FAM81A: variants seen among roughly 807,000 people sequenced by gnomAD.
FAM81A encodes the protein family with sequence similarity 81 member A.
In FAM81A, 19 loss-of-function variants were observed where a neutral mutation model predicts 46.7. That is an observed-to-expected ratio of 0.41 (90% CI 0.28 to 0.60). The LOEUF is 0.60. FAM81A is among the 20% of genes least tolerant of loss of function. FAM81A has a pLI of 0.34. For synonymous variants in FAM81A, 183 were observed against 152.9 expected, an observed-to-expected ratio of 1.20 and a Z score of -1.45; for missense variants, 377 against 453.5, an observed-to-expected ratio of 0.83 and a Z score of 1.53.
At chr15:59,521,090 G>C (rs1223017234) in intron 8 of FAM81A, among the ~76,000 whole-genome samples, 164 bp from the exon 9 acceptor site, 1 of 152,054 alleles carries the variant, frequency 6.6e-6, no homozygotes, top group African/African-American at 2.4e-5. Context: ...GTAATCTCTA[G>C]GGAGAAACTA....
At chr15:59,452,634 G>A (rs1264113296) in intron 1 of FAM81A, among the ~76,000 whole-genome samples, 1 of 152,176 alleles carries the variant, frequency 6.6e-6, no homozygotes, top group Admixed American at 6.5e-5. Flanking sequence ...GTGACAGAAT[G>A]AGACAGTGTC....
chr15:59,465,006 G>A lies in FAM81A; in HGVS notation c.294+4800G>A, dbSNP rs539583408. 5.3e-4 allele frequency among the ~76,000 whole-genome samples: 80 copies of A among 152,192 alleles called. 2 individuals carry two copies. The South Asian group carries it at 0.016, about 31-fold the overall frequency. ...TATTTTTGTATTGGGTGAGAGGTGGGGGCCTAGTTTAATTCTTTTGCATAT... is the reference window on the plus strand; with the variant it reads ...TATTTTTGTATTGGGTGAGAGGTGGAGGCCTAGTTTAATTCTTTTGCATAT... On this transcript the variant is annotated intron_variant, in intron 3 of 8. Transcript: ENST00000288228.
At chr15:59,480,137 A>C (rs1230390998) in intron 3 of FAM81A, among the ~76,000 whole-genome samples, 8 of 152,214 alleles carry the variant, frequency 5.3e-5, no homozygotes, top group African/African-American at 1.9e-4. Context: ...GACTTCTATC[A>C]AATGGTGGAA....
intron 1 of FAM81A, chr15:59,402,069 C>A: frequency 1.9e-6 from 1 of 525,298 alleles, no homozygotes; most frequent in South Asian, 2.2e-5. Flanking sequence ...ATTTTCGGGT[C>A]TTAGAGACCC....
intron 7 of FAM81A, 148 bp downstream of exon 7, chr15:59,514,572 C>A: frequency 9.7e-7 from 1 of 1,035,440 alleles, no homozygotes; most frequent in Non-Finnish European, 1.3e-6. Flanking sequence ...CATATTGATG[C>A]TTTGTATTCT....
chr15:59,412,325 G>A (rs982597648), intron 2 of FAM81A, among the ~76,000 whole-genome samples: 1 of 152,180 alleles, frequency 6.6e-6, no homozygotes, highest in Middle Eastern at 3.2e-3. Context: ...AAACAGAAAA[G>A]ACTTGCTGTA....
chr15:59,503,991 A>G (rs140278328), intron 4 of FAM81A, among the ~76,000 whole-genome samples: 353 of 152,338 alleles, frequency 2.3e-3, no homozygotes, highest in Non-Finnish European at 3.5e-3. Flanking sequence ...AGACTTTTCA[A>G]ACTACATTTT....
intron 2 of FAM81A, among the ~76,000 whole-genome samples, chr15:59,425,793 T>C (rs1202857591): frequency 6.6e-6 from 1 of 152,156 alleles, no homozygotes; most frequent in Non-Finnish European, 1.5e-5. Context: ...GACTGGATAA[T>C]TATTTTATTT....
At chr15:59,492,941 A>G (rs1596525814) in intron 4 of FAM81A, among the ~76,000 whole-genome samples, 2 of 152,352 alleles carry the variant, frequency 1.3e-5, no homozygotes, top group East Asian at 3.9e-4. Context: ...CTGCATTTTA[A>G]CAAGATCCCT....
intron 1 of FAM81A, among the ~76,000 whole-genome samples, chr15:59,441,706 C>G (rs2081299278): frequency 6.6e-6 from 1 of 152,224 alleles, no homozygotes; most frequent in African/African-American, 2.4e-5. Flanking sequence ...TGGCAGCAGT[C>G]AGCCCTTTGC....
intron 2 of FAM81A, among the ~76,000 whole-genome samples, chr15:59,427,175 A>G (rs2081198458): frequency 6.6e-6 from 1 of 152,082 alleles, no homozygotes. Context: ...CAGTGGCCTG[A>G]TCTCGGCTCA....
intron 1 of FAM81A, among the ~76,000 whole-genome samples, chr15:59,400,338 G>A (rs1021052906): frequency 3.5e-4 from 53 of 152,126 alleles, no homozygotes; most frequent in African/African-American, 1.2e-3. Context: ...CTCCTCAATA[G>A]CTTGCACTTC....
intron 2 of FAM81A, among the ~76,000 whole-genome samples, chr15:59,402,759 A>G (rs34736331): frequency 0.17 from 25,911 of 151,486 alleles, 2,332 homozygotes; most frequent in Middle Eastern, 0.21. Context: ...TCACCATGTT[A>G]GCCAGGCTGG....
chr15:59,476,374 C>T (rs1318629312), intron 3 of FAM81A, among the ~76,000 whole-genome samples: 5 of 152,112 alleles, frequency 3.3e-5, no homozygotes, highest in African/African-American at 4.8e-5. Context: ...AGGCATGAGC[C>T]ACCACGCTTG....
At chr15:59,473,393 C>G (rs913844965) in intron 3 of FAM81A, among the ~76,000 whole-genome samples, 13 of 152,254 alleles carry the variant, frequency 8.5e-5, no homozygotes, top group Admixed American at 6.5e-4. Flanking sequence ...TAGTAGATGT[C>G]TTGATTATCA....
chr15:59,457,027 T>C (rs188402412), intron 1 of FAM81A, among the ~76,000 whole-genome samples: 1 of 152,368 alleles, frequency 6.6e-6, no homozygotes, highest in Admixed American at 6.5e-5. Flanking sequence ...AACTGAGATG[T>C]CTTACAACTT....
intron 3 of FAM81A, among the ~76,000 whole-genome samples, chr15:59,476,099 C>T (rs1007927202): frequency 1.3e-5 from 2 of 152,176 alleles, no homozygotes; most frequent in Non-Finnish European, 1.5e-5. Flanking sequence ...AAGTAGAGAG[C>T]AGAAGCAAGA....
intron 3 of FAM81A, among the ~76,000 whole-genome samples, chr15:59,480,340 T>C (rs1389302263): frequency 6.6e-6 from 1 of 152,198 alleles, no homozygotes; most frequent in Non-Finnish European, 1.5e-5. Flanking sequence ...GAGCTGTTTC[T>C]TTCCTGGTTC....
intron 5 of FAM81A, among the ~76,000 whole-genome samples, chr15:59,507,961 C>T (rs1436044839): frequency 2.6e-5 from 4 of 152,086 alleles, no homozygotes; most frequent in South Asian, 2.1e-4. Context: ...TGCTATTGTT[C>T]GTTTAAAGAG....
Sources: allele counts gnomAD v4.1 joint callset (sites outside exome capture counted in the v4.1 genomes callset), GRCh38; gene constraint gnomAD v4.1.1; transcripts MANE v1.5; gene names NCBI Gene and HGNC (gene_info 2026-07-23, HGNC 2026-07-21).